PRTG: variants seen among roughly 807,000 people sequenced by gnomAD.
PRTG encodes the protein protogenin, also known as immunoglobulin superfamily, DCC subclass, member 5.
In PRTG, 67 loss-of-function variants were observed where a neutral mutation model predicts 122.5. The observed-to-expected ratio is 0.55, with a 90% CI of 0.45 to 0.67. The LOEUF (loss-of-function observed/expected upper bound fraction) is 0.67, where lower values mean the gene tolerates loss of function less well. Among genes scored for constraint, PRTG ranks in the 30% least tolerant of loss-of-function variants. The pLI, the probability that PRTG is intolerant of heterozygous loss-of-function variation, is 0.00. For synonymous variants in PRTG, 554 were observed against 501.1 expected (o/e 1.11, Z -1.41); for missense variants, 1,435 against 1,415.4 (o/e 1.01, Z -0.22).
intron 7 of PRTG, among the ~76,000 whole-genome samples, chr15:55,678,863 C>T (rs1267621551): frequency 6.6e-6 from 1 of 151,956 alleles, no homozygotes; most frequent in African/African-American, 2.4e-5. Flanking sequence ...TGTATTTATG[C>T]TAATAAAAAT....
intron 2 of PRTG, among the ~76,000 whole-genome samples, chr15:55,700,464 T>G (rs76472232): frequency 0.07 from 10,681 of 152,212 alleles, 463 homozygotes; most frequent in Non-Finnish European, 0.1. Flanking sequence ...ATTGATAAAC[T>G]GGACTTCATC....
intron 15 of PRTG, among the ~76,000 whole-genome samples, chr15:55,632,029 T>C (rs1268756488): frequency 6.6e-6 from 1 of 152,200 alleles, no homozygotes; most frequent in Non-Finnish European, 1.5e-5. Context: ...TTCTCTCTTC[T>C]GTCCACATGC....
chr15:55,639,850 A>G, intron 12 of PRTG, 22 bp from the exon 13 acceptor site: 1 of 1,612,112 alleles, frequency 6.2e-7, no homozygotes, highest in Non-Finnish European at 8.5e-7. Flanking sequence ...AACAATGTTA[A>G]TTTACGATAC....
At chr15:55,721,924 A>G (rs977465397) in intron 2 of PRTG, among the ~76,000 whole-genome samples, 1 of 152,168 alleles carries the variant, frequency 6.6e-6, no homozygotes, top group Non-Finnish European at 1.5e-5. Flanking sequence ...ACCTCCCACC[A>G]GGTCCCTCCC....
At chr15:55,702,673 C>G (rs925959700) in intron 2 of PRTG, among the ~76,000 whole-genome samples, 1 of 152,180 alleles carries the variant, frequency 6.6e-6, no homozygotes, top group Non-Finnish European at 1.5e-5. Flanking sequence ...ATTAGAGGAA[C>G]AGGAGGAGCC....
intron 15 of PRTG, among the ~76,000 whole-genome samples, chr15:55,629,513 C>A (rs1300206333): frequency 6.6e-6 from 1 of 151,486 alleles, no homozygotes; most frequent in African/African-American, 2.4e-5. Context: ...GAAACATGCA[C>A]ACGAAAATAA....
chr15:55,633,980 T>G (rs2059242246), intron 15 of PRTG, among the ~76,000 whole-genome samples: 1 of 151,826 alleles, frequency 6.6e-6, no homozygotes, highest in African/African-American at 2.4e-5. Flanking sequence ...GAGCCATCAA[T>G]GAGACAAAAT....
rs555080753 is a variant in PRTG at position 55,643,973 on chromosome 15, T to A, written c.2042-2765A>T. Among the ~76,000 whole-genome samples, 3 of 151,944 alleles carry A rather than the reference T, an allele frequency of 2.0e-5. No individual in the cohort carries two copies. The East Asian group carries it at 5.8e-4, about 30-fold the overall frequency. On this transcript the variant is annotated intron_variant, in intron 11 of 19. Coordinates refer to ENST00000389286, the MANE Select transcript of PRTG (RefSeq NM_173814.6). Reference sequence around the variant, plus strand: ...TCACTTACCTGGGCTCAGGTAATCCTCCTACCTTAGCCCCCCAAGTAGCTG... The same window carrying A: ...TCACTTACCTGGGCTCAGGTAATCCACCTACCTTAGCCCCCCAAGTAGCTG...
intron 18 of PRTG, among the ~76,000 whole-genome samples, chr15:55,623,439 C>A (rs1186165397): frequency 6.6e-6 from 1 of 152,028 alleles, no homozygotes; most frequent in Non-Finnish European, 1.5e-5. Flanking sequence ...TGGTGGCGCA[C>A]GCCTGTAATC....
At chr15:55,732,641 T>C (rs1179220686) in intron 2 of PRTG, among the ~76,000 whole-genome samples, 1 of 151,828 alleles carries the variant, frequency 6.6e-6, no homozygotes, top group Non-Finnish European at 1.5e-5. Context: ...ATTAAAGGCA[T>C]GTGCCACCAC....
chr15:55,645,704 C>G (rs2059318452), intron 11 of PRTG, among the ~76,000 whole-genome samples: 1 of 152,112 alleles, frequency 6.6e-6, no homozygotes, highest in Non-Finnish European at 1.5e-5. Flanking sequence ...GCCTATGGGA[C>G]AAACCAGAGA....
At chr15:55,741,159 G>A (rs1205341079) in intron 1 of PRTG, among the ~76,000 whole-genome samples, 3 of 152,194 alleles carry the variant, frequency 2.0e-5, no homozygotes, top group African/African-American at 7.2e-5. Context: ...ACTCCTTTGG[G>A]AACTGCGTTT....
chr15:55,670,244 C>T lies in PRTG; in HGVS notation c.2041+2201G>A, dbSNP rs2059461683. On this transcript the variant is annotated intron_variant, in intron 11 of 19. Coordinates refer to ENST00000389286, the MANE Select transcript of PRTG (RefSeq NM_173814.6). ...ATGTCTCTCTAAACTTTTCACAACCCAAGTTTTTTTCTAATAAATTAGTCA... is the reference window on the plus strand; with the variant it reads ...ATGTCTCTCTAAACTTTTCACAACCTAAGTTTTTTTCTAATAAATTAGTCA... 3.0e-4 allele frequency among the ~76,000 whole-genome samples: 4 copies of T among 13,228 alleles called. No homozygotes were observed. In the South Asian group the frequency reaches 0.019, roughly 62 times the overall value. The allele number at this position is 13,228 out of a possible 152,430, so 8.7% of individuals were successfully genotyped here.
At chr15:55,620,361 T>C in intron 19 of PRTG, 95 bp from the exon 20 acceptor site, 1 of 1,537,894 alleles carries the variant, frequency 6.5e-7, no homozygotes. Flanking sequence ...TGGGAGCACA[T>C]CAGAATTACC....
intron 15 of PRTG, among the ~76,000 whole-genome samples, chr15:55,636,478 T>A (rs28515086): frequency 0.017 from 2,653 of 152,042 alleles, 93 homozygotes; most frequent in African/African-American, 0.061. Flanking sequence ...ATCCAAGCTA[T>A]CAAGTTCTAT....
chr15:55,656,205 TC>T, intron 11 of PRTG: 1 of 305,592 alleles, frequency 3.3e-6, no homozygotes, highest in Non-Finnish European at 6.4e-6. Context: ...CCCACAAGAA[TC>T]CAGGATTACA....
Position 55,619,859 on chromosome 15 carries a change from G to T in PRTG, c.*153C>A. The T allele has an allele frequency of 7.7e-7, 1 of 1,305,790 alleles. No individual in the cohort carries two copies. The highest frequency in any genetic ancestry group is 1.0e-6 in the Non-Finnish European group (1 of 962,326). 80.9% of individuals were successfully genotyped at this position (1,305,790 alleles called of 1,614,324 possible). On this transcript the variant is annotated 3_prime_UTR_variant, in exon 20 of 20. Coordinates refer to ENST00000389286, the MANE Select transcript of PRTG (RefSeq NM_173814.6). The stretch of plus-strand genomic sequence containing the variant: ...ATGGTGAGAATACCTGAGCATGGCC[G>T]TCTAGATTGGAAAATCATTTTTATC...
intron 11 of PRTG, among the ~76,000 whole-genome samples, chr15:55,641,823 A>G (rs531857874): frequency 6.6e-6 from 1 of 152,302 alleles, no homozygotes; most frequent in Non-Finnish European, 1.5e-5. Context: ...TTTATTAACT[A>G]TCACGATACT....
At chr15:55,635,731 T>A (rs988733505) in intron 15 of PRTG, among the ~76,000 whole-genome samples, 1 of 152,192 alleles carries the variant, frequency 6.6e-6, no homozygotes, top group Admixed American at 6.5e-5. Flanking sequence ...ATTTTAAAAC[T>A]CATAAGAGTT....
Sources: gnomAD v4.1 joint callset for allele counts (sites outside exome capture counted in the v4.1 genomes callset) on GRCh38, gnomAD v4.1.1 for gene constraint, MANE v1.5 for transcripts, NCBI Gene and HGNC (gene_info 2026-07-23, HGNC 2026-07-21) for gene names.